LDHAL6A: variants seen among roughly 807,000 people sequenced by gnomAD.
LDHAL6A encodes L-lactate dehydrogenase A-like 6A.
A neutral mutation model predicts 28.2 loss-of-function variants in LDHAL6A; 19 were observed. The ratio of observed to expected loss-of-function variants is 0.67; its 90% CI spans 0.47 to 0.99. LDHAL6A has a LOEUF of 0.99. Among genes scored for constraint, LDHAL6A ranks in the 50% least tolerant of loss-of-function variants. LDHAL6A has a pLI of 0.00. For missense variants in LDHAL6A, 372 were observed against 398.6 expected (o/e 0.93, Z 0.57); for synonymous variants, 144 against 134.4 (o/e 1.07, Z -0.49).
chr11:18,465,933 T>C (rs1176860594), intron 3 of LDHAL6A, 123 bp downstream of exon 3: 3 of 717,188 alleles, frequency 4.2e-6, no homozygotes, highest in Non-Finnish European at 6.9e-6. Context: ...ACCCAGGTAC[T>C]GAGCAAAGTA....
At chr11:18,464,514 A>G (rs185935942) in intron 2 of LDHAL6A, among the ~76,000 whole-genome samples, 28 of 152,266 alleles carry the variant, frequency 1.8e-4, no homozygotes, top group Admixed American at 9.2e-4. Context: ...TGGGAGTTCG[A>G]GACCAGCCTG....
intron 1 of LDHAL6A, among the ~76,000 whole-genome samples, chr11:18,457,569 C>T (rs1213874473): frequency 6.6e-6 from 1 of 152,184 alleles, no homozygotes; most frequent in African/African-American, 2.4e-5. Flanking sequence ...CTAAGGACAG[C>T]AGCCACAGCC....
chr11:18,457,174 CA>C (rs1848781668), intron 1 of LDHAL6A, among the ~76,000 whole-genome samples: 1 of 152,046 alleles, frequency 6.6e-6, no homozygotes, highest in African/African-American at 2.4e-5. Flanking sequence ...CTACGAGTAC[CA>C]AATACAATAA....
chr11:18,467,979 ACGTATATATATGCATATATATACG>A (rs1849142701), intron 3 of LDHAL6A, among the ~76,000 whole-genome samples: 9 of 48,414 alleles, frequency 1.9e-4, no homozygotes, highest in African/African-American at 8.4e-4. Context: ...GTATATATAT[ACGTATATATATGCATATATATACG>A]TATATATATA....
chr11:18,473,127 C>G (rs971189710), intron 3 of LDHAL6A, among the ~76,000 whole-genome samples: 3 of 152,086 alleles, frequency 2.0e-5, no homozygotes, highest in Non-Finnish European at 4.4e-5. Context: ...ACATAGAACA[C>G]CTCTTCATTG....
At chr11:18,469,496 C>A (rs1849205434) in intron 3 of LDHAL6A, among the ~76,000 whole-genome samples, 1 of 152,142 alleles carries the variant, frequency 6.6e-6, no homozygotes, top group South Asian at 2.1e-4. Context: ...ACTAATATTT[C>A]TAATAAGCAC....
At chr11:18,457,400 TAATA>T (rs1250502470) in intron 1 of LDHAL6A, among the ~76,000 whole-genome samples, 2 of 152,308 alleles carry the variant, frequency 1.3e-5, no homozygotes, top group Admixed American at 6.5e-5. Flanking sequence ...CATAAAGTTT[TAATA>T]AATCATAAGA....
intron 4 of LDHAL6A, 61 bp from the exon 5 acceptor site, chr11:18,476,323 C>T (rs1249960498): frequency 6.4e-6 from 10 of 1,550,832 alleles, no homozygotes; most frequent in Non-Finnish European, 7.0e-6. Flanking sequence ...TTGCTGAGGT[C>T]AAAAACCAAA....
rs912205947 is a variant in LDHAL6A, at chr11:18,456,443, C to T, written c.-238C>T. Reference sequence around the variant, plus strand: ...TCTTAATTCCTCTTAACTGTACTCACGCTTCCTTCTCCTTCCCCTGGTCCG... The same window carrying T: ...TCTTAATTCCTCTTAACTGTACTCATGCTTCCTTCTCCTTCCCCTGGTCCG... On this transcript the variant is annotated 5_prime_UTR_variant, in exon 1 of 7. In the 5' UTR this introduces an upstream ATG that the reference lacks. Transcript: ENST00000280706. The T allele has an allele frequency of 2.0e-6, 1 of 489,962 alleles. No homozygotes were observed. The highest frequency in any genetic ancestry group is 3.6e-6 in the Non-Finnish European group (1 of 275,496). The allele number at this position is 489,962 out of a possible 1,614,324, so 30.4% of individuals were successfully genotyped here. A position where few individuals can be genotyped will look rare whatever the true frequency, so the allele number is the denominator to read the frequency against.
intron 3 of LDHAL6A, among the ~76,000 whole-genome samples, chr11:18,470,213 C>T (rs1849224630): frequency 6.6e-6 from 1 of 152,212 alleles, no homozygotes; most frequent in Non-Finnish European, 1.5e-5. Context: ...GCGTGAGCCA[C>T]CGCGTGGCAC....
intron 3 of LDHAL6A, among the ~76,000 whole-genome samples, chr11:18,466,672 G>A (rs11024665): frequency 0.11 from 15,252 of 133,822 alleles, 1,090 homozygotes; most frequent in South Asian, 0.25. Context: ...AAAAAAAAAA[G>A]TAGTGTGTAT....
rs1849134701 is a variant in LDHAL6A, at chr11:18,467,951, ATATACG to A, written c.418+2146_418+2151del. ...CATATATATATACACACACATATATATATACGTATATATATACGTATATATATACGT... is the reference window on the plus strand; with the variant it reads ...CATATATATATACACACACATATATATATATATATACGTATATATATACGT... On this transcript the variant is annotated intron_variant, in intron 3 of 6. Transcript: ENST00000280706. Among the ~76,000 whole-genome samples the A allele has an allele frequency of 3.3e-4, 18 of 54,996 alleles. 1 individual carries two copies. The highest frequency in any genetic ancestry group is 5.7e-4 in the Non-Finnish European group (18 of 31,468). The allele number at this position is 54,996 out of a possible 152,430, so 36.1% of individuals were successfully genotyped here.
At chr11:18,467,525 T>G (rs765333437) in intron 3 of LDHAL6A, among the ~76,000 whole-genome samples, 15 of 152,052 alleles carry the variant, frequency 9.9e-5, no homozygotes, top group Non-Finnish European at 2.1e-4. Flanking sequence ...TTGTGGTAAG[T>G]TTTGAAATCA....
chr11:18,465,541 G>C, intron 2 of LDHAL6A, 96 bp from the exon 3 acceptor site: 1 of 985,892 alleles, frequency 1.0e-6, no homozygotes, highest in South Asian at 1.8e-5. Context: ...CCCACTCTTT[G>C]GTAAACATAG....
intron 1 of LDHAL6A, among the ~76,000 whole-genome samples, chr11:18,460,643 C>A (rs890963583): frequency 6.6e-6 from 1 of 150,684 alleles, no homozygotes; most frequent in Admixed American, 6.6e-5. Flanking sequence ...GCTAGTAGTA[C>A]TAGCTACTTG....
chr11:18,475,740 T>C, intron 4 of LDHAL6A, 101 bp downstream of exon 4: 1 of 1,016,620 alleles, frequency 9.8e-7, no homozygotes, highest in Non-Finnish European at 1.4e-6. Flanking sequence ...AAAGACTTTA[T>C]TCCACTTTAG....
At chr11:18,461,725 G>A (rs915482816) in intron 1 of LDHAL6A, among the ~76,000 whole-genome samples, 3 of 150,050 alleles carry the variant, frequency 2.0e-5, no homozygotes, top group African/African-American at 7.4e-5. Flanking sequence ...GGTGGCAGGC[G>A]CCTGTAATCC....
intron 1 of LDHAL6A, among the ~76,000 whole-genome samples, chr11:18,460,945 C>T (rs1324101144): frequency 1.3e-5 from 2 of 152,106 alleles, no homozygotes. Context: ...TCAAGTGATT[C>T]TCCTGCCTCA....
Position 18,456,542 on chromosome 11 carries a change from T to C in LDHAL6A, c.-139T>C, listed in dbSNP as rs1424813793. The C allele has an allele frequency of 1.4e-6, 1 of 702,672 alleles. No individual in the cohort carries two copies. The highest frequency in any genetic ancestry group is 1.9e-5 in the African/African-American group (1 of 53,254). The allele number at this position is 702,672 out of a possible 1,614,324, so 43.5% of individuals were successfully genotyped here. The stretch of plus-strand genomic sequence containing the variant: ...TGGTCAGATTTGTCGGTCTTTTGTG[T>C]GTCTGCAGCACCTCCTTCCACACGG... On this transcript the variant is annotated 5_prime_UTR_variant, in exon 1 of 7. Coordinates refer to ENST00000280706, the MANE Select transcript of LDHAL6A (RefSeq NM_144972.5).
Sources: gnomAD v4.1 joint callset for allele counts (sites outside exome capture counted in the v4.1 genomes callset) on GRCh38, gnomAD v4.1.1 for gene constraint, MANE v1.5 for transcripts, NCBI Gene and HGNC (gene_info 2026-07-23, HGNC 2026-07-21) for gene names.